KLF15: variants seen among roughly 807,000 people sequenced by gnomAD.
KLF15 encodes Krueppel-like factor 15.
KLF15 carries 4 observed loss-of-function variants against 24.6 expected under a neutral mutation model. The observed-to-expected ratio is 0.16, with a 90% confidence interval of 0.08 to 0.37. The LOEUF (loss-of-function observed/expected upper bound fraction) is 0.37, where lower values mean the gene tolerates loss of function less well. Ranked by LOEUF, KLF15 falls within the 10% of genes least tolerant of loss-of-function variation. The probability of loss-of-function intolerance (pLI) is 1.00; values close to 1 mark genes in which losing one functional copy is unlikely to be tolerated. For missense variants in KLF15, 496 were observed against 560.6 expected (o/e 0.88, Z 1.16); for synonymous variants, 246 against 236.3 (o/e 1.04, Z -0.37).
At chr3:126,340,876 G>A (rs1211507290), downstream of KLF15, among the ~76,000 whole-genome samples, 1 of 148,152 alleles carries the variant, frequency 6.7e-6, no homozygotes, top group Non-Finnish European at 1.5e-5. Flanking sequence ...CAGGGCCAAG[G>A]CAATGCTGAC....
the KLF15 span, among the ~76,000 whole-genome samples, chr3:126,315,275 C>T: frequency 6.6e-6 from 1 of 152,162 alleles, no homozygotes; most frequent in Non-Finnish European, 1.5e-5. Context: ...TAGCTCCGAA[C>T]AAGTTCACAT....
the KLF15 span, among the ~76,000 whole-genome samples, chr3:126,327,539 T>A: frequency 6.6e-6 from 1 of 152,106 alleles, no homozygotes; most frequent in Non-Finnish European, 1.5e-5. Flanking sequence ...CCAGGTGTAT[T>A]TTCAGGACAA....
the KLF15 span, among the ~76,000 whole-genome samples, chr3:126,295,186 A>G: frequency 6.6e-6 from 1 of 152,242 alleles, no homozygotes; most frequent in Admixed American, 6.5e-5. Flanking sequence ...ATAAATATAT[A>G]TTCCAATAAC....
chr3:126,308,659 G>A, the KLF15 span, among the ~76,000 whole-genome samples: 31 of 152,162 alleles, frequency 2.0e-4, no homozygotes, highest in Non-Finnish European at 3.5e-4. Context: ...TCGGTGCAGC[G>A]GTTTAAGGGC....
chr3:126,338,066 C>T (rs761993462), downstream of KLF15, among the ~76,000 whole-genome samples: 1 of 152,202 alleles, frequency 6.6e-6, no homozygotes, highest in African/African-American at 2.4e-5. Context: ...CAAAGAGACT[C>T]GGGCATCCGG....
At chr3:126,342,299 A>G (rs1336183103), downstream of KLF15, among the ~76,000 whole-genome samples, 1 of 152,186 alleles carries the variant, frequency 6.6e-6, no homozygotes, top group African/African-American at 2.4e-5. Context: ...AGGAAGTGCA[A>G]GAAAGGGTCT....
chr3:126,342,840 T>C lies in KLF15; in HGVS notation c.*887A>G, dbSNP rs1007550152. ...TTACATACATTCATAGGATGTGAAA[T>C]AAACCTGTCAAAACAAGCTAGTTCA... On this transcript the variant is annotated 3_prime_UTR_variant, in exon 3 of 3. Coordinates refer to ENST00000296233, the MANE Select transcript of KLF15 (RefSeq NM_014079.4). 6.6e-6 allele frequency: 1 copy of C among 152,568 alleles called. No individual in the cohort carries two copies. The highest frequency in any genetic ancestry group is 1.5e-5 in the Non-Finnish European group (1 of 68,012). 9.5% of individuals were successfully genotyped at this position (152,568 alleles called of 1,614,324 possible).
the KLF15 span, among the ~76,000 whole-genome samples, chr3:126,308,989 G>A: frequency 6.6e-6 from 1 of 152,158 alleles, no homozygotes; most frequent in Non-Finnish European, 1.5e-5. Flanking sequence ...TGTGGAAAGG[G>A]GAGAGAGAGA....
chr3:126,297,059 T>C, the KLF15 span, among the ~76,000 whole-genome samples: 83,485 of 152,100 alleles, frequency 0.55, 23,245 homozygotes, highest in African/African-American at 0.62. Context: ...CAGGCATGTG[T>C]CACTGCGCCT....
At chr3:126,337,467 C>G in the KLF15 span, among the ~76,000 whole-genome samples, 1 of 144,432 alleles carries the variant, frequency 6.9e-6, no homozygotes, top group African/African-American at 2.6e-5. Context: ...GGGAGATATA[C>G]CTAATGCTAG....
At chr3:126,346,187 C>T (rs1297801577) in intron 2 of KLF15, among the ~76,000 whole-genome samples, 1 of 152,190 alleles carries the variant, frequency 6.6e-6, no homozygotes, top group East Asian at 1.9e-4. Flanking sequence ...AGGACACCTG[C>T]CCCCAGCTGC....
chr3:126,320,442 C>A, the KLF15 span, among the ~76,000 whole-genome samples: 1 of 152,222 alleles, frequency 6.6e-6, no homozygotes, highest in Non-Finnish European at 1.5e-5. Flanking sequence ...AGGGCCTGTG[C>A]AAACTCATGT....
chr3:126,351,766 G>A, intron 2 of KLF15, 75 bp downstream of exon 2: 2 of 1,446,910 alleles, frequency 1.4e-6, no homozygotes, highest in Non-Finnish European at 9.3e-7. Flanking sequence ...GTGGAAAATG[G>A]CCCTGCTGCA....
chr3:126,295,569 CCCCTCCCCTGGCA>C, the KLF15 span, among the ~76,000 whole-genome samples: 7 of 152,162 alleles, frequency 4.6e-5, no homozygotes, highest in Admixed American at 3.9e-4. Context: ...AGTGCCTCCT[CCCCTCCCCTGGCA>C]CCCTCCCCTC....
At chr3:126,323,403 TTATATATATATATATA>T in the KLF15 span, among the ~76,000 whole-genome samples, 20 of 50,826 alleles carry the variant, frequency 3.9e-4, 1 homozygote, top group East Asian at 7.2e-4. Flanking sequence ...GCCCCAGTAG[TTATATATATATATATA>T]TATATATATA....
chr3:126,301,610 CTTTTTTTTTT>C, the KLF15 span, among the ~76,000 whole-genome samples: 1 of 132,284 alleles, frequency 7.6e-6, no homozygotes, highest in South Asian at 2.5e-4. Flanking sequence ...TTTTCTTTTT[CTTTTTTTTTT>C]TTTTTTTTTC....
At chr3:126,345,454 G>A (rs2082527714) in intron 2 of KLF15, among the ~76,000 whole-genome samples, 1 of 151,836 alleles carries the variant, frequency 6.6e-6, no homozygotes, top group Non-Finnish European at 1.5e-5. Context: ...CACTGTCAAG[G>A]AGCAGTCCCA....
chr3:126,320,635 C>G, the KLF15 span, among the ~76,000 whole-genome samples: 1 of 152,172 alleles, frequency 6.6e-6, no homozygotes, highest in Non-Finnish European at 1.5e-5. Flanking sequence ...CAGCATTGTA[C>G]GGGAACCCTC....
the KLF15 span, among the ~76,000 whole-genome samples, chr3:126,320,458 T>A: frequency 2.0e-5 from 3 of 152,254 alleles, no homozygotes; most frequent in Non-Finnish European, 2.9e-5. Flanking sequence ...CATGTGTATC[T>A]GTATAAATGC....
Sources: allele counts gnomAD v4.1 joint callset (sites outside exome capture counted in the v4.1 genomes callset), GRCh38; gene constraint gnomAD v4.1.1; transcripts MANE v1.5; gene names NCBI Gene and HGNC (gene_info 2026-07-23, HGNC 2026-07-21).